LRRC46: variants seen among roughly 807,000 people sequenced by gnomAD.
LRRC46 encodes the protein leucine rich repeat containing 46.
In LRRC46, 20 loss-of-function variants were observed where a neutral mutation model predicts 28.0. The ratio of observed to expected loss-of-function variants is 0.71; its 90% confidence interval spans 0.50 to 1.04. The LOEUF (loss-of-function observed/expected upper bound fraction) is 1.04. Ranked by LOEUF, LRRC46 falls within the 50% of genes least tolerant of loss-of-function variation. The pLI is 0.00. For synonymous variants in LRRC46, 156 were observed against 158.8 expected, an observed-to-expected ratio of 0.98 and a Z score of 0.13; for missense variants, 315 against 390.1, an observed-to-expected ratio of 0.81 and a Z score of 1.62.
Position 47,836,183 on chromosome 17 carries a change from C to T in LRRC46, c.452+81C>T. 1.9e-6 allele frequency: 3 copies of T among 1,580,998 alleles called. No homozygotes were observed. The highest frequency in any genetic ancestry group is 2.6e-6 in the Non-Finnish European group (3 of 1,150,890). ...GCCCAGACCCCTCTCAGCCTGCAAA[C>T]CTGGGGTCCTGTCCATGACACCTTC... On this transcript the variant is annotated intron_variant, in intron 6 of 7. Coordinates refer to ENST00000269025, the MANE Select transcript of LRRC46 (RefSeq NM_033413.4). The surrounding 1 kb of genome is among the most constrained non-coding windows in gnomAD (Gnocchi z 5.8).
rs2033716661 is a variant in LRRC46 at position 47,837,688 on chromosome 17, A to G, written c.*568A>G. The G allele has an allele frequency of 1.1e-6, 1 of 936,230 alleles. No homozygotes were observed. The highest frequency in any genetic ancestry group is 1.5e-6 in the Non-Finnish European group (1 of 664,636). 58.0% of individuals were successfully genotyped at this position (936,230 alleles called of 1,614,324 possible). A position where few individuals can be genotyped will look rare whatever the true frequency, so the allele number is the denominator to read the frequency against. On this transcript the variant is annotated 3_prime_UTR_variant, in exon 8 of 8. Coordinates refer to ENST00000269025, the MANE Select transcript of LRRC46 (RefSeq NM_033413.4). Reference sequence around the variant, plus strand: ...ACTGGTCCTGGGATAAAGTTCACTGAAGAGAAAATAAAGCACATTTATTAA... The same window carrying G: ...ACTGGTCCTGGGATAAAGTTCACTGGAGAGAAAATAAAGCACATTTATTAA...
Position 47,836,236 on chromosome 17 carries a change from C to A in LRRC46, c.453-97C>A, listed in dbSNP as rs1400567217. 1.9e-6 allele frequency: 3 copies of A among 1,584,708 alleles called. No individual in the cohort carries two copies. Among genetic ancestry groups the A allele is most frequent in the South Asian group, 2.3e-5 (2 of 88,642 alleles). ...CCCCACCTCCTACCTAGCTCATGAG[C>A]CACCACCCCTCCGGGTGTGAGTGCT... On this transcript the variant is annotated intron_variant, in intron 6 of 7. Transcript: ENST00000269025. This position sits in a 1 kb window ranked among gnomAD's most constrained non-coding sequence, Gnocchi z 5.8.
At chr17:47,833,268 T>C (rs1020559749) in intron 2 of LRRC46, among the ~76,000 whole-genome samples, 2 of 152,164 alleles carry the variant, frequency 1.3e-5, no homozygotes, top group Non-Finnish European at 2.9e-5. Flanking sequence ...ACAGCCTATG[T>C]ACTCCCTTTG....
Position 47,836,979 on chromosome 17 carries a change from G to A in LRRC46, c.825G>A (p.Lys275=). Residue 275 remains lysine, a synonymous_variant, in exon 8 of 8, where the codon AAG becomes AAA. Coordinates refer to ENST00000269025, the MANE Select transcript of LRRC46 (RefSeq NM_033413.4). This position sits in a 1 kb window ranked among gnomAD's most constrained non-coding sequence, Gnocchi z 5.8. The stretch of plus-strand genomic sequence containing the variant: ...CACCCCAGGCCTCCTCTCCCACCAA[G>A]AAACCATGCAGTCTGATTCCCAGGG... The part of the protein sequence containing the change: ...VSSPQASSPT[K]KPCSLIPRGH... 6.2e-7 allele frequency: 1 copy of A among 1,613,400 alleles called. No homozygotes were observed. Among genetic ancestry groups the A allele is most frequent in the South Asian group, 1.1e-5 (1 of 91,050 alleles).
chr17:47,837,687 G>T lies in LRRC46; in HGVS notation c.*567G>T. The T allele has an allele frequency of 1.1e-6, 1 of 940,602 alleles. No homozygotes were observed. The highest frequency in any genetic ancestry group is 1.5e-6 in the Non-Finnish European group (1 of 668,300). 58.3% of individuals were successfully genotyped at this position (940,602 alleles called of 1,614,324 possible). ...CACTGGTCCTGGGATAAAGTTCACT[G>T]AAGAGAAAATAAAGCACATTTATTA... On this transcript the variant is annotated 3_prime_UTR_variant, in exon 8 of 8. Transcript: ENST00000269025.
chr17:47,836,926 G>T lies in LRRC46; in HGVS notation c.772G>T (p.Glu258Ter). ...SSPSATPAQGEETVPEAVSSP... is the reference protein window; with the variant it reads ...SSPSATPAQG ...CCCTTCTGCCACTCCTGCGCAAGGG[G>T]AGGAGACAGTCCCTGAGGCCGTCTC... is the stretch of plus-strand genomic sequence containing the variant. Residue 258 changes from glutamate to a stop codon, truncating the protein, a stop_gained, in exon 8 of 8, where the codon GAG becomes TAG. Transcript: ENST00000269025. LOFTEE classifies it low-confidence loss of function (END_TRUNC). The surrounding 1 kb of genome is among the most constrained non-coding windows in gnomAD (Gnocchi z 5.8). The T allele has an allele frequency of 6.2e-7, 1 of 1,613,712 alleles. No individual in the cohort carries two copies. The highest frequency in any genetic ancestry group is 8.5e-7 in the Non-Finnish European group (1 of 1,179,940).
chr17:47,835,065 T>TTC, intron 3 of LRRC46: 1 of 416,300 alleles, frequency 2.4e-6, no homozygotes, highest in Non-Finnish European at 4.3e-6. Context: ...TCCTGGTGGC[T>TTC]TCTTAGTTTC....
rs1202341837 is a variant in LRRC46, at chr17:47,832,220, G to A, written c.116+15G>A. On this transcript the variant is annotated intron_variant, in intron 2 of 7. Transcript: ENST00000269025. ...TCAGAGAAGATGTGAGTGCATGGGG[G>A]AGAAAAGGGGTGCTAGAAGGCTGAA... 20 of 1,545,642 alleles carry A rather than the reference G, an allele frequency of 1.3e-5. No homozygotes were observed. The highest frequency in any genetic ancestry group is 2.3e-5 in the East Asian group (1 of 44,152).
chr17:47,833,014 G>C (rs555375167), intron 2 of LRRC46, among the ~76,000 whole-genome samples: 13 of 152,246 alleles, frequency 8.5e-5, no homozygotes, highest in Non-Finnish European at 1.6e-4. Flanking sequence ...GCAGGGGTAG[G>C]ACAGCAGCAT....
chr17:47,833,952 T>C, intron 2 of LRRC46: 1 of 985,736 alleles, frequency 1.0e-6, no homozygotes, highest in Non-Finnish European at 1.2e-6. Flanking sequence ...AGAGACTCTG[T>C]CATTTGTCTC....
Position 47,836,126 on chromosome 17 carries a change from A to AAG in LRRC46, c.452+25_452+26dup. The AAG allele has an allele frequency of 6.2e-7, 1 of 1,613,354 alleles. No homozygotes were observed. On this transcript the variant is annotated intron_variant, in intron 6 of 7. Coordinates refer to ENST00000269025, the MANE Select transcript of LRRC46 (RefSeq NM_033413.4). This position sits in a 1 kb window ranked among gnomAD's most constrained non-coding sequence, Gnocchi z 5.8. ...CGGTAAGGAGTGGAGGGTGGGAAGA[A>AAG]AGGTCATGGCTGAGCTCTACCTGCT...
At chr17:47,834,166 TC>T in intron 2 of LRRC46, 1 of 1,073,284 alleles carries the variant, frequency 9.3e-7, no homozygotes. Flanking sequence ...TAAGCTGCCA[TC>T]CCCCAATTTC....
chr17:47,837,347 CG>C lies in LRRC46; in HGVS notation c.*230del, dbSNP rs1446903660. 1.4e-5 allele frequency: 8 copies of C among 591,982 alleles called. No homozygotes were observed. Among genetic ancestry groups the C allele is most frequent in the Non-Finnish European group, 2.2e-5 (8 of 364,252 alleles). 36.7% of individuals were successfully genotyped at this position (591,982 alleles called of 1,614,324 possible). On this transcript the variant is annotated 3_prime_UTR_variant, in exon 8 of 8. Transcript: ENST00000269025. Reference sequence around the variant, plus strand: ...TCTAAAGAGCGAGTCTGGAATCTTTCGGGAGCTACCCACAGGGCAGGCATGC... The same window carrying C: ...TCTAAAGAGCGAGTCTGGAATCTTTCGGAGCTACCCACAGGGCAGGCATGC...
rs750092821 is a variant in LRRC46, at chr17:47,836,711, TCCAC to T, written c.596-32_596-29del. 6.2e-7 allele frequency: 1 copy of T among 1,602,822 alleles called. No individual in the cohort carries two copies. Among genetic ancestry groups the T allele is most frequent in the South Asian group, 1.1e-5 (1 of 90,454 alleles). ...GGGACCCTCCTGCTGAGCCCAGGGC[TCCAC>T]CCACCCTGTACCCTCCACCCCCGGC... On this transcript the variant is annotated intron_variant, in intron 7 of 7. Transcript: ENST00000269025. The surrounding 1 kb of genome is among the most constrained non-coding windows in gnomAD (Gnocchi z 5.8).
chr17:47,834,781 T>C, intron 3 of LRRC46: 1 of 361,200 alleles, frequency 2.8e-6, no homozygotes, highest in South Asian at 5.8e-5. Context: ...CTAGAAGTTC[T>C]TTTTGGCATC....
intron 3 of LRRC46, chr17:47,834,809 G>T: frequency 3.3e-6 from 1 of 300,822 alleles, no homozygotes; most frequent in Non-Finnish European, 6.2e-6. Context: ...AATCTTTCAC[G>T]TTAAATAGCT....
At position 47,835,790 on chromosome 17, in the gene LRRC46, G is replaced by C. The variant is rs374952308; in HGVS notation, c.382+15G>C. The C allele has an allele frequency of 3.5e-5, 56 of 1,606,092 alleles. No individual in the cohort carries two copies. Among genetic ancestry groups the C allele is most frequent in the Non-Finnish European group, 4.8e-5 (56 of 1,172,892 alleles). On this transcript the variant is annotated intron_variant, in intron 5 of 7. Transcript: ENST00000269025. The stretch of plus-strand genomic sequence containing the variant: ...ATTGAAGCTGGGTAGGAACCCACTC[G>C]CCCTGGCTCACCAAACACATCCCCT...
chr17:47,837,242 A>T lies in LRRC46; in HGVS notation c.*122A>T. The T allele has an allele frequency of 7.4e-7, 1 of 1,348,710 alleles. No individual in the cohort carries two copies. Among genetic ancestry groups the T allele is most frequent in the Non-Finnish European group, 1.0e-6 (1 of 1,001,098 alleles). 83.5% of individuals were successfully genotyped at this position (1,348,710 alleles called of 1,614,324 possible). A position where few individuals can be genotyped will look rare whatever the true frequency, so the allele number is the denominator to read the frequency against. On this transcript the variant is annotated 3_prime_UTR_variant, in exon 8 of 8. Transcript: ENST00000269025. Reference sequence around the variant, plus strand: ...TCTCTAGGCCCTGAGTATGCTTTTCATGTCACTTGGGGTATCTCAGGGGAA... The same window carrying T: ...TCTCTAGGCCCTGAGTATGCTTTTCTTGTCACTTGGGGTATCTCAGGGGAA...
In LRRC46 at chr17:47,836,165, C is replaced by A. The variant is rs1054815350; in HGVS notation, c.452+63C>A. The A allele has an allele frequency of 1.9e-6, 3 of 1,593,854 alleles. No homozygotes were observed. Among genetic ancestry groups the A allele is most frequent in the Non-Finnish European group, 2.6e-6 (3 of 1,162,146 alleles). On this transcript the variant is annotated intron_variant, in intron 6 of 7. Transcript: ENST00000269025. This position sits in a 1 kb window ranked among gnomAD's most constrained non-coding sequence, Gnocchi z 5.8. ...GCTCTACCTGCTAACTCAGCCCAGA[C>A]CCCTCTCAGCCTGCAAACCTGGGGT...
Sources: allele counts gnomAD v4.1 joint callset (sites outside exome capture counted in the v4.1 genomes callset), GRCh38; gene constraint gnomAD v4.1.1; non-coding constraint Gnocchi (gnomAD v3.1); transcripts MANE v1.5; gene names NCBI Gene and HGNC (gene_info 2026-07-23, HGNC 2026-07-21).